The following GNAQ variants were observed in gnomAD, a reference collection of about 807,000 sequenced individuals.
GNAQ encodes the protein guanine nucleotide-binding protein G(q) subunit alpha.
Under a neutral mutation model 43.9 loss-of-function variants are expected in GNAQ, and 8 were observed. The ratio of observed to expected loss-of-function variants is 0.18; its 90% CI spans 0.11 to 0.33. GNAQ has a LOEUF of 0.33. GNAQ is among the 10% of genes least tolerant of loss of function. GNAQ has a pLI of 1.00. For missense variants in GNAQ, 158 were observed against 450.8 expected (o/e 0.35, Z 5.88); for synonymous variants, 155 against 170.7 (o/e 0.91, Z 0.71).
intron 2 of GNAQ, among the ~76,000 whole-genome samples, chr9:77,852,132 C>A (rs1249930454): frequency 3.3e-5 from 5 of 152,166 alleles, no homozygotes; most frequent in Non-Finnish European, 7.4e-5. Context: ...TTTCAAAACA[C>A]AGGGGCAGGG....
chr9:77,925,680 C>T (rs1008155996), intron 1 of GNAQ, among the ~76,000 whole-genome samples: 7 of 152,040 alleles, frequency 4.6e-5, no homozygotes, highest in African/African-American at 7.3e-5. Context: ...CAAAGTTTCA[C>T]GTAAGAAAAA....
At chr9:77,971,595 A>C (rs1470810822) in intron 1 of GNAQ, among the ~76,000 whole-genome samples, 1 of 152,196 alleles carries the variant, frequency 6.6e-6, no homozygotes, top group African/African-American at 2.4e-5. Context: ...CATGCTAAAA[A>C]CTCTCAATAA....
intron 2 of GNAQ, among the ~76,000 whole-genome samples, chr9:77,858,774 C>T (rs1831176): frequency 0.67 from 101,126 of 151,502 alleles, 34,774 homozygotes; most frequent in South Asian, 0.76. Context: ...TATTAGCCCA[C>T]TGACCATCTT....
At chr9:77,800,166 G>A (rs544889156) in intron 3 of GNAQ, among the ~76,000 whole-genome samples, 18 of 151,882 alleles carry the variant, frequency 1.2e-4, no homozygotes, top group Non-Finnish European at 2.1e-4. Flanking sequence ...TCAGTGTGGC[G>A]ATTCCTCAGG....
chr9:77,822,007 G>T (rs760758436), intron 2 of GNAQ, among the ~76,000 whole-genome samples: 44 of 152,102 alleles, frequency 2.9e-4, no homozygotes, highest in Non-Finnish European at 5.7e-4. Context: ...TTGACAAATG[G>T]ATTCTGAAGT....
intron 2 of GNAQ, among the ~76,000 whole-genome samples, chr9:77,871,957 T>A (rs1032227166): frequency 3.3e-5 from 5 of 152,218 alleles, no homozygotes; most frequent in Non-Finnish European, 5.9e-5. Flanking sequence ...TGCTATGCCC[T>A]AAATTATTAT....
chr9:77,991,580 A>G (rs1225699588), intron 1 of GNAQ, among the ~76,000 whole-genome samples: 1 of 151,962 alleles, frequency 6.6e-6, no homozygotes, highest in East Asian at 1.9e-4. Flanking sequence ...TCTTTTTTTA[A>G]TTTCAATAGT....
chr9:78,002,916 A>C (rs1219747316), intron 1 of GNAQ, among the ~76,000 whole-genome samples: 1 of 152,116 alleles, frequency 6.6e-6, no homozygotes, highest in Non-Finnish European at 1.5e-5. Flanking sequence ...CATAGCATCT[A>C]GTACAGAACG....
intron 2 of GNAQ, among the ~76,000 whole-genome samples, chr9:77,839,741 A>C (rs1417990973): frequency 6.6e-6 from 1 of 152,244 alleles, no homozygotes; most frequent in Non-Finnish European, 1.5e-5. Flanking sequence ...TGGAGGAAAC[A>C]CTGTTATTAA....
chr9:77,840,817 T>A (rs571253754), intron 2 of GNAQ, among the ~76,000 whole-genome samples: 1 of 152,292 alleles, frequency 6.6e-6, no homozygotes, highest in South Asian at 2.1e-4. Flanking sequence ...GATTTGGGCA[T>A]AGACCTTAAG....
chr9:77,946,292 T>C (rs1822892919), intron 1 of GNAQ, among the ~76,000 whole-genome samples: 4 of 152,178 alleles, frequency 2.6e-5, no homozygotes, highest in Admixed American at 2.6e-4. Flanking sequence ...AATCTACCTG[T>C]TGACAAAAGA....
intron 2 of GNAQ, among the ~76,000 whole-genome samples, chr9:77,874,468 T>C (rs543484376): frequency 6.6e-6 from 1 of 152,162 alleles, no homozygotes; most frequent in African/African-American, 2.4e-5. Flanking sequence ...TACAATTAGA[T>C]ACTAGGAGCT....
chr9:77,969,258 T>C (rs1823206815), intron 1 of GNAQ, among the ~76,000 whole-genome samples: 2 of 152,124 alleles, frequency 1.3e-5, no homozygotes, highest in African/African-American at 4.8e-5. Context: ...TTCTTAATGA[T>C]TTCACACTCC....
chr9:77,956,885 T>C lies in GNAQ; in HGVS notation c.137-34540A>G, dbSNP rs755294119. Among the ~76,000 whole-genome samples, 44 of 152,120 alleles carry C rather than the reference T, an allele frequency of 2.9e-4. 1 individual carries two copies. Among genetic ancestry groups the C allele is most frequent in the Non-Finnish European group, 4.3e-4 (29 of 68,012 alleles). ...CACCTCAATGATACAAAAAGCCAAA[T>C]TCAAGGAAGCATCATTTATTTGGGG... On this transcript the variant is annotated intron_variant, in intron 1 of 6. Transcript: ENST00000286548.
intron 1 of GNAQ, among the ~76,000 whole-genome samples, chr9:77,957,208 T>A (rs963417088): frequency 1.1e-4 from 16 of 151,812 alleles, no homozygotes; most frequent in African/African-American, 3.9e-4. Flanking sequence ...ATAAAAAAAT[T>A]AGCCAGGTGT....
rs1457125902 is a variant in GNAQ, at chr9:77,728,485, A to G, written c.889+29T>C. On this transcript the variant is annotated intron_variant, in intron 6 of 6. Coordinates refer to ENST00000286548, the MANE Select transcript of GNAQ (RefSeq NM_002072.5). ...TTGGAGACAAAACCTATTCACAGCT[A>G]CTGAGCTGTGGTATGAGTGCTGACT... The G allele has an allele frequency of 3.9e-6, 6 of 1,524,496 alleles. No individual in the cohort carries two copies. The African/African-American group carries it at 8.2e-5, about 21-fold the overall frequency. 94.4% of individuals were successfully genotyped at this position (1,524,496 alleles called of 1,614,324 possible). A position where few individuals can be genotyped will look rare whatever the true frequency, so the allele number is the denominator to read the frequency against.
intron 2 of GNAQ, among the ~76,000 whole-genome samples, chr9:77,914,168 G>A (rs572438868): frequency 6.6e-6 from 1 of 152,138 alleles, no homozygotes; most frequent in Non-Finnish European, 1.5e-5. Context: ...AATGTGGCTA[G>A]GAAGTATCTG....
intron 3 of GNAQ, among the ~76,000 whole-genome samples, chr9:77,798,667 A>G (rs1436889487): frequency 6.6e-6 from 1 of 152,222 alleles, no homozygotes; most frequent in Non-Finnish European, 1.5e-5. Flanking sequence ...ATGTATGCAT[A>G]GTCCTCTCCT....
At chr9:77,954,663 T>C (rs1823020947) in intron 1 of GNAQ, among the ~76,000 whole-genome samples, 1 of 152,172 alleles carries the variant, frequency 6.6e-6, no homozygotes, top group Admixed American at 6.5e-5. Flanking sequence ...ATTCCAGAGC[T>C]GCAAAAGGTC....
Sources: gnomAD v4.1 joint callset for allele counts (sites outside exome capture counted in the v4.1 genomes callset) on GRCh38, gnomAD v4.1.1 for gene constraint, MANE v1.5 for transcripts, NCBI Gene and HGNC (gene_info 2026-07-23, HGNC 2026-07-21) for gene names.